IST1: variants seen among roughly 807,000 people sequenced by gnomAD.
IST1 encodes IST1 homolog.
Under a neutral mutation model 37.0 loss-of-function variants are expected in IST1, and 23 were observed. The ratio of observed to expected loss-of-function variants is 0.62; its 90% confidence interval spans 0.45 to 0.88. The LOEUF (loss-of-function observed/expected upper bound fraction) is 0.88. Ranked by LOEUF, IST1 falls within the 40% of genes least tolerant of loss-of-function variation. The probability of loss-of-function intolerance (pLI) is 0.00; values close to 1 mark genes in which losing one functional copy is unlikely to be tolerated. For missense variants in IST1, 488 were observed against 445.4 expected (o/e 1.10, Z -0.86); for synonymous variants, 180 against 161.7 (o/e 1.11, Z -0.86).
chr16:71,917,161 C>G, intron 4 of IST1, 27 bp downstream of exon 4: 2 of 1,357,736 alleles, frequency 1.5e-6, no homozygotes, highest in South Asian at 1.2e-5. Flanking sequence ...TCAGTGATGT[C>G]TGTAGCTTTT....
At position 71,913,063 on chromosome 16, in the gene IST1, T is replaced by C. The variant is rs141003403; in HGVS notation, c.-15-2563T>C. Among the ~76,000 whole-genome samples, 873 of 152,344 alleles carry C rather than the reference T, an allele frequency of 5.7e-3. 2 individuals are homozygous for C. The highest frequency in any genetic ancestry group is 0.01 in the Middle Eastern group (3 of 294). On this transcript the variant is annotated intron_variant, in intron 1 of 9. Coordinates refer to ENST00000378799, the MANE Select transcript of IST1 (RefSeq NM_001270975.2). ...ATTGTGAATAATGCTGCTGGGAACA[T>C]AGGTATGCAAATAGCTCTTTAAAGT... is the stretch of plus-strand genomic sequence containing the variant.
intron 9 of IST1, among the ~76,000 whole-genome samples, chr16:71,927,269 T>A (rs1057304693): frequency 6.6e-6 from 1 of 152,056 alleles, no homozygotes; most frequent in Non-Finnish European, 1.5e-5. Context: ...GAGGCTGAGG[T>A]GTGTGGATCA....
rs746951280 is a variant in IST1, at chr16:71,922,533, G to C, written c.612G>C (p.Val204=). 51 of 1,614,102 alleles carry C rather than the reference G, an allele frequency of 3.2e-5. No individual in the cohort carries two copies. In the Admixed American group the frequency reaches 8.0e-4, roughly 25 times the overall value. ...DLIDVGFTDD[V]KKGGPGRGGS... ...TTGATGTTGGATTCACAGATGATGT[G>C]AAGAAAGGAGGCCCTGGAAGAGGAG... The change falls in exon 7 of 10, where the codon GTG becomes GTC. Residue 204 remains valine (V), a synonymous_variant. Transcript: ENST00000378799.
chr16:71,928,103 T>G lies in IST1; in HGVS notation c.*290T>G. 1 of 393,620 alleles carries G rather than the reference T, an allele frequency of 2.5e-6. No individual in the cohort carries two copies. Among genetic ancestry groups the G allele is most frequent in the South Asian group, 2.3e-5 (1 of 43,890 alleles). 24.4% of individuals were successfully genotyped at this position (393,620 alleles called of 1,614,324 possible). A position where few individuals can be genotyped will look rare whatever the true frequency, so the allele number is the denominator to read the frequency against. On this transcript the variant is annotated 3_prime_UTR_variant, in exon 10 of 10. Coordinates refer to ENST00000378799, the MANE Select transcript of IST1 (RefSeq NM_001270975.2). Reference sequence around the variant, plus strand: ...TCCTCCTGGCCCGTCCCATGGTCCCTCCACAGGAGTGTGAGAGGATGGGGG... The same window carrying G: ...TCCTCCTGGCCCGTCCCATGGTCCCGCCACAGGAGTGTGAGAGGATGGGGG...
chr16:71,895,803 G>C (rs1309797093), intron 1 of IST1, among the ~76,000 whole-genome samples: 1 of 152,180 alleles, frequency 6.6e-6, no homozygotes, highest in East Asian at 1.9e-4. Flanking sequence ...GCCTGGGTGG[G>C]GGGCGTGGCA....
Position 71,923,363 on chromosome 16 carries a change from C to CGT in IST1, c.835_836insGT (p.Pro279ArgfsTer8). The CGT allele has an allele frequency of 1.2e-6, 2 of 1,606,502 alleles. No individual in the cohort carries two copies. Among genetic ancestry groups the CGT allele is most frequent in the Non-Finnish European group, 1.7e-6 (2 of 1,173,364 alleles). On this transcript the variant is annotated frameshift_variant, in exon 8 of 10. Transcript: ENST00000378799. LOFTEE classifies it high-confidence loss of function. ...TCATCCACCTCAGATACCAGCAACT[C>CGT]CCCCATCGTATGAATCTGTAAGTGC... is the stretch of plus-strand genomic sequence containing the variant.
chr16:71,916,626 C>A lies in IST1; in HGVS notation c.253C>A (p.Leu85Ile), dbSNP rs774352949. ...YCDLLLARFG[L>I]IQSMKELDSG... ...TGACCTGCTGCTGGCTCGGTTTGGC[C>A]TTATCCAGTCTATGAAGTAAGATAT... is the stretch of plus-strand genomic sequence containing the variant. The change falls in exon 3 of 10, where the codon CTT becomes ATT. Residue 85 changes from leucine (L) to isoleucine (I), a missense_variant. Transcript: ENST00000378799. 6.2e-7 allele frequency: 1 copy of A among 1,613,028 alleles called. No homozygotes were observed. The highest frequency in any genetic ancestry group is 8.5e-7 in the Non-Finnish European group (1 of 1,179,564).
At chr16:71,910,854 C>T (rs2037338383) in intron 1 of IST1, among the ~76,000 whole-genome samples, 1 of 152,130 alleles carries the variant, frequency 6.6e-6, no homozygotes. Context: ...CCCTTCAGCT[C>T]TACTTTCCAG....
chr16:71,894,924 G>A, upstream of IST1: 1 of 1,147,332 alleles, frequency 8.7e-7, no homozygotes, highest in Non-Finnish European at 1.3e-6. Context: ...AGACTGTGGT[G>A]CTGAGGAAAC....
At chr16:71,903,532 A>G (rs1309132148) in intron 1 of IST1, 1 of 152,158 alleles carries the variant, frequency 6.6e-6, no homozygotes, top group Non-Finnish European at 1.5e-5. Context: ...CATTCTTGGT[A>G]TGACTTCAAT....
intron 1 of IST1, among the ~76,000 whole-genome samples, chr16:71,905,588 C>T (rs1475058303): frequency 2.0e-5 from 3 of 152,090 alleles, no homozygotes; most frequent in Admixed American, 2.0e-4. Context: ...CCATGTTGGC[C>T]AGGCTGGTCT....
Position 71,927,765 on chromosome 16 carries a change from C to T in IST1, c.1053C>T (p.Asp351=). ...GASTSASEDI[D]FDDLSRRFEE... is the part of the protein sequence containing the mutation. ...GCACCTCAGCATCTGAAGACATTGA[C>T]TTTGATGATCTTTCCCGGAGGTTTG... The change falls in exon 10 of 10, where the codon GAC becomes GAT. Residue 351 remains aspartate, a synonymous_variant. Transcript: ENST00000378799. 6.2e-7 allele frequency: 1 copy of T among 1,614,128 alleles called. No homozygotes were observed. Among genetic ancestry groups the T allele is most frequent in the Non-Finnish European group, 8.5e-7 (1 of 1,179,980 alleles).
rs201032195 is a variant in IST1 at position 71,915,721 on chromosome 16, A to G, written c.81A>G (p.Lys27=). ...LVINRLKLLE[K]KKTELAQKAR... ...TAAATCGCCTTAAACTATTGGAGAA[A>G]AAGAAAAGTGAGTAGTGTACTTTTT... is the stretch of plus-strand genomic sequence containing the variant. Residue 27 remains lysine, a synonymous_variant, in exon 2 of 10, where the codon AAA becomes AAG. Coordinates refer to ENST00000378799, the MANE Select transcript of IST1 (RefSeq NM_001270975.2). 2 of 1,603,742 alleles carry G rather than the reference A, an allele frequency of 1.2e-6. No homozygotes were observed. The highest frequency in any genetic ancestry group is 1.7e-6 in the Non-Finnish European group (2 of 1,171,686).
intron 8 of IST1, chr16:71,924,309 A>T (rs1315535764): frequency 2.5e-6 from 1 of 400,256 alleles, no homozygotes; most frequent in Non-Finnish European, 4.9e-6. Context: ...TCTGCTTGGC[A>T]GTTAAGAGTT....
intron 1 of IST1, among the ~76,000 whole-genome samples, chr16:71,913,625 C>T (rs1040031609): frequency 1.3e-5 from 2 of 152,010 alleles, no homozygotes; most frequent in Admixed American, 6.6e-5. Context: ...CTCAGCCTCC[C>T]GAGTAGCTGG....
chr16:71,927,556 A>G (rs2037775591), intron 9 of IST1, 58 bp from the exon 10 acceptor site: 1 of 1,205,724 alleles, frequency 8.3e-7, no homozygotes, highest in Non-Finnish European at 1.2e-6. Flanking sequence ...TTTACTGCCA[A>G]AGGGGATCTG....
chr16:71,900,961 A>C (rs2037094547), intron 1 of IST1, among the ~76,000 whole-genome samples: 1 of 152,224 alleles, frequency 6.6e-6, no homozygotes, highest in South Asian at 2.1e-4. Flanking sequence ...CGTCTGAATC[A>C]CAAAAAGAAT....
At chr16:71,919,425 C>G (rs889686589) in intron 4 of IST1, among the ~76,000 whole-genome samples, 1 of 152,176 alleles carries the variant, frequency 6.6e-6, no homozygotes, top group Non-Finnish European at 1.5e-5. Context: ...GATCTGTCAC[C>G]CAGGCTGGAG....
At chr16:71,914,012 T>C (rs1348645107) in intron 1 of IST1, among the ~76,000 whole-genome samples, 5 of 151,998 alleles carry the variant, frequency 3.3e-5, no homozygotes, top group Admixed American at 6.6e-5. Flanking sequence ...TTCTCCGTGT[T>C]GGTCAGGCTG....
Sources: allele counts gnomAD v4.1 joint callset (sites outside exome capture counted in the v4.1 genomes callset), GRCh38; gene constraint gnomAD v4.1.1; transcripts MANE v1.5; gene names NCBI Gene and HGNC (gene_info 2026-07-23, HGNC 2026-07-21).